The following UBAP2L variants were observed in gnomAD, a reference collection of about 807,000 sequenced individuals.
UBAP2L encodes ubiquitin-associated protein 2-like.
A neutral mutation model predicts 130.6 loss-of-function variants in UBAP2L; 12 were observed. The observed-to-expected ratio is 0.09, with a 90% CI of 0.06 to 0.15. The LOEUF (loss-of-function observed/expected upper bound fraction) is 0.15, where lower values mean the gene tolerates loss of function less well. Ranked by LOEUF, UBAP2L falls within the 10% of genes least tolerant of loss-of-function variation. The pLI is 1.00. For missense variants in UBAP2L, 965 were observed against 1,332.5 expected (o/e 0.72, Z 4.29); for synonymous variants, 503 against 524.7 (o/e 0.96, Z 0.57).
intron 2 of UBAP2L, among the ~76,000 whole-genome samples, chr1:154,226,627 G>C (rs1314202817): frequency 1.3e-5 from 2 of 152,208 alleles, no homozygotes; most frequent in Non-Finnish European, 2.9e-5. Flanking sequence ...CTAGGAATAA[G>C]AGGATGGCGT....
chr1:154,224,228 T>A (rs1667229020), intron 1 of UBAP2L, among the ~76,000 whole-genome samples: 1 of 152,178 alleles, frequency 6.6e-6, no homozygotes, highest in Non-Finnish European at 1.5e-5. Flanking sequence ...TTAAAATGAT[T>A]TCTTAGAAGC....
Position 154,246,332 on chromosome 1 carries a change from T to C in UBAP2L, c.971T>C (p.Ile324Thr). ...LVFSNSKQTA[I>T]SQPASGNTFS... is the part of the protein sequence containing the mutation. ...TTCAGTAATTCGAAGCAGACTGCCA[T>C]ATCACAGCCTGCTTCAGGGAACACA... is the stretch of plus-strand genomic sequence containing the variant. Residue 324 changes from isoleucine (I) to threonine (T), a missense_variant, in exon 11 of 27, where the codon ATA becomes ACA. Physicochemically the swap from Ile to Thr is moderately conservative, Grantham distance 89. Coordinates refer to ENST00000428931, the MANE Select transcript of UBAP2L (RefSeq NM_014847.4). 1 of 1,613,488 alleles carries C rather than the reference T, an allele frequency of 6.2e-7. No individual in the cohort carries two copies. The highest frequency in any genetic ancestry group is 8.5e-7 in the Non-Finnish European group (1 of 1,179,764).
At chr1:154,268,380 G>A (rs904147193) in intron 25 of UBAP2L, among the ~76,000 whole-genome samples, 2 of 151,862 alleles carry the variant, frequency 1.3e-5, no homozygotes, top group Admixed American at 1.3e-4. Flanking sequence ...TAGTAGAGAC[G>A]GGGTTTCACC....
upstream of UBAP2L, chr1:154,220,262 G>A (rs1665437165): frequency 2.0e-6 from 3 of 1,521,582 alleles, no homozygotes; most frequent in East Asian, 6.8e-5. Flanking sequence ...GGTGGAGAAT[G>A]CAGACGGGGT....
intron 1 of UBAP2L, among the ~76,000 whole-genome samples, chr1:154,223,258 G>A (rs895923706): frequency 2.0e-5 from 3 of 152,022 alleles, no homozygotes; most frequent in Non-Finnish European, 2.9e-5. Flanking sequence ...CATCTGACTG[G>A]TACAGTATAT....
intron 3 of UBAP2L, among the ~76,000 whole-genome samples, 162 bp downstream of exon 3, chr1:154,227,521 C>T (rs1668358829): frequency 6.6e-6 from 1 of 151,782 alleles, no homozygotes; most frequent in South Asian, 2.1e-4. Flanking sequence ...TGCTTTCATT[C>T]TCTAATTTTT....
intron 24 of UBAP2L, among the ~76,000 whole-genome samples, chr1:154,264,307 G>A (rs1240736520): frequency 1.3e-5 from 2 of 152,144 alleles, no homozygotes; most frequent in African/African-American, 4.8e-5. Context: ...GCCATGGTGG[G>A]AGAGATAGAT....
At chr1:154,268,676 CAG>C in intron 25 of UBAP2L, 79 bp from the exon 26 acceptor site, 1 of 1,409,110 alleles carries the variant, frequency 7.1e-7, no homozygotes, top group Non-Finnish European at 9.9e-7. Context: ...TTCTGAGGGT[CAG>C]GGAGCTTGAG....
At position 154,234,625 on chromosome 1, in the gene UBAP2L, T is replaced by C; in HGVS notation, c.314T>C (p.Val105Ala). The part of the protein sequence containing the change: ...SWEMVGKKKG[V>A]SGQKDGGQTE... ...GAGATGGTCGGGAAGAAGAAGGGAG[T>C]CTCAGGCCAGAAGGATGGTGGCCAG... The change falls in exon 5 of 27, where the codon GTC becomes GCC. Residue 105 changes from valine to alanine, a missense_variant. Val to Ala is a moderately conservative substitution (Grantham distance 64). This residue lies in a region of UBAP2L where 109 missense variants were observed against 146.6 expected (regional missense o/e 0.74). Coordinates refer to ENST00000428931, the MANE Select transcript of UBAP2L (RefSeq NM_014847.4). The C allele has an allele frequency of 6.2e-7, 1 of 1,613,692 alleles. No individual in the cohort carries two copies. Among genetic ancestry groups the C allele is most frequent in the Non-Finnish European group, 8.5e-7 (1 of 1,179,894 alleles).
intron 10 of UBAP2L, among the ~76,000 whole-genome samples, chr1:154,245,206 G>A (rs1189332948): frequency 6.6e-6 from 1 of 152,166 alleles, no homozygotes; most frequent in Non-Finnish European, 1.5e-5. Flanking sequence ...TTACAGGTGT[G>A]AGCCACTGCA....
chr1:154,223,157 A>G (rs1370771623), intron 1 of UBAP2L, among the ~76,000 whole-genome samples: 1 of 152,218 alleles, frequency 6.6e-6, no homozygotes, highest in African/African-American at 2.4e-5. Flanking sequence ...AAGCACTTGT[A>G]AGAGGGAAAT....
At chr1:154,261,796 G>C (rs1319970720) in intron 24 of UBAP2L, 99 bp downstream of exon 24, 1 of 1,244,014 alleles carries the variant, frequency 8.0e-7, no homozygotes, top group Non-Finnish European at 1.2e-6. Context: ...GGATTGGTGA[G>C]GGTGTGCCGC....
Position 154,254,907 on chromosome 1 carries a change from CT to C in UBAP2L, c.1909+21del. 1.3e-6 allele frequency: 2 copies of C among 1,591,594 alleles called. No individual in the cohort carries two copies. The highest frequency in any genetic ancestry group is 1.9e-5 in the Admixed American group (1 of 53,202). ...CTGTTGAAGGTGAGTGTTCTTCAGG[CT>C]TTTCCCCTCCTAAGTTTCTGGTTTT... is the stretch of plus-strand genomic sequence containing the variant. On this transcript the variant is annotated intron_variant, in intron 16 of 26. Coordinates refer to ENST00000428931, the MANE Select transcript of UBAP2L (RefSeq NM_014847.4).
rs1166012288 is a variant in UBAP2L, at chr1:154,254,004, C to T, written c.1769C>T (p.Pro590Leu). Residue 590 changes from proline (P) to leucine (L), a missense_variant, in exon 15 of 27, where the codon CCT (proline) becomes CTT (leucine). This residue lies in a region of UBAP2L where 393 missense variants were observed against 408.1 expected (regional missense o/e 0.96). Transcript: ENST00000428931. ...TYTSQNNAQG[P>L]LYEQRSTQTR... Reference sequence around the variant, plus strand: ...ACCTCCCAAAATAATGCTCAGGGCCCTCTTTATGAACAGAGATCCACACAG... The same window carrying T: ...ACCTCCCAAAATAATGCTCAGGGCCTTCTTTATGAACAGAGATCCACACAG... The T allele has an allele frequency of 1.2e-6, 2 of 1,601,738 alleles. No homozygotes were observed. Among genetic ancestry groups the T allele is most frequent in the South Asian group, 1.1e-5 (1 of 89,298 alleles).
chr1:154,241,661 C>G (rs539758708), intron 9 of UBAP2L, 96 bp downstream of exon 9: 17 of 1,552,778 alleles, frequency 1.1e-5, no homozygotes, highest in Non-Finnish European at 1.5e-5. Context: ...CAAAATTCAC[C>G]CTTAAGATTC....
chr1:154,251,204 A>G lies in UBAP2L; in HGVS notation c.1377A>G (p.Lys459=). The G allele has an allele frequency of 6.2e-7, 1 of 1,614,076 alleles. No homozygotes were observed. Among genetic ancestry groups the G allele is most frequent in the East Asian group, 2.2e-5 (1 of 44,868 alleles). The change falls in exon 13 of 27, where the codon AAA becomes AAG. Residue 459 remains lysine (K), a synonymous_variant. Transcript: ENST00000428931. The part of the protein sequence containing the change: ...PPPPSSPLPS[K]STSAPQMSPG... ...CTCCGTCTTCTCCTCTGCCAAGCAA[A>G]TCCACATCGGCTCCACAGATGTCGC...
chr1:154,263,448 C>T, intron 24 of UBAP2L: 1 of 1,187,650 alleles, frequency 8.4e-7, no homozygotes, highest in Non-Finnish European at 1.0e-6. Context: ...CATGTAGTTT[C>T]AACTTGTAAC....
In UBAP2L at chr1:154,239,032, C is replaced by T. The variant is rs569187075; in HGVS notation, c.703+1896C>T. Among the ~76,000 whole-genome samples the T allele has an allele frequency of 1.8e-4, 27 of 152,206 alleles. 1 individual carries two copies. Among genetic ancestry groups the T allele is most frequent in the Admixed American group, 3.3e-4 (5 of 15,282 alleles). On this transcript the variant is annotated intron_variant, in intron 8 of 26. Coordinates refer to ENST00000428931, the MANE Select transcript of UBAP2L (RefSeq NM_014847.4). ...CTGGGATTACAGGTGTGAGCCACCA[C>T]GCCTGGTCGTTGTTAATTTCATGAT...
intron 25 of UBAP2L, 100 bp from the exon 26 acceptor site, chr1:154,268,657 C>A: frequency 8.5e-7 from 1 of 1,174,726 alleles, no homozygotes. Flanking sequence ...TCTGTGACAC[C>A]ATGCTGCTTT....
Sources: gnomAD v4.1 joint callset for allele counts (sites outside exome capture counted in the v4.1 genomes callset) on GRCh38, gnomAD v4.1.1 for gene constraint, gnomAD v4.1.1 regional missense constraint, MANE v1.5 for transcripts, NCBI Gene and HGNC (gene_info 2026-07-23, HGNC 2026-07-21) for gene names.